Variants in JAZF1 observed in about 807,000 individuals in gnomAD.
JAZF1 encodes the protein juxtaposed with another zinc finger protein 1.
Under a neutral mutation model 26.4 loss-of-function variants are expected in JAZF1, and 8 were observed. The observed-to-expected ratio is 0.30, with a 90% confidence interval of 0.18 to 0.55. The LOEUF (loss-of-function observed/expected upper bound fraction) is 0.55. Ranked by LOEUF, JAZF1 falls within the 20% of genes least tolerant of loss-of-function variation. JAZF1 has a pLI of 0.94. For synonymous variants in JAZF1, 126 were observed against 122.3 expected (o/e 1.03, Z -0.20); for missense variants, 199 against 322.0 (o/e 0.62, Z 2.92).
chr7:28,154,047 A>G (rs538782718), intron 1 of JAZF1, among the ~76,000 whole-genome samples: 2 of 152,296 alleles, frequency 1.3e-5, no homozygotes, highest in South Asian at 4.2e-4. Flanking sequence ...GGGTACTTTC[A>G]TAATGGGATG....
intron 1 of JAZF1, among the ~76,000 whole-genome samples, chr7:28,090,905 C>A (rs1020341845): frequency 6.8e-6 from 1 of 148,082 alleles, no homozygotes; most frequent in Non-Finnish European, 1.5e-5. Flanking sequence ...CGGCTCACTG[C>A]AAGCTCCGCT....
At chr7:27,910,226 A>C (rs1408310002) in intron 2 of JAZF1, among the ~76,000 whole-genome samples, 3 of 152,324 alleles carry the variant, frequency 2.0e-5, no homozygotes, top group South Asian at 2.1e-4. Flanking sequence ...GAATGACATA[A>C]AACCACTATT....
chr7:28,179,378 G>C (rs1783597931), intron 1 of JAZF1, among the ~76,000 whole-genome samples: 1 of 152,240 alleles, frequency 6.6e-6, no homozygotes, highest in Non-Finnish European at 1.5e-5. Context: ...GAAAGGTCCA[G>C]GGGTCCAGGC....
At chr7:28,043,577 T>A (rs1330582044) in intron 1 of JAZF1, among the ~76,000 whole-genome samples, 1 of 152,176 alleles carries the variant, frequency 6.6e-6, no homozygotes, top group Non-Finnish European at 1.5e-5. Context: ...TGTAGAAAAC[T>A]GGCAGATCCT....
intron 2 of JAZF1, among the ~76,000 whole-genome samples, chr7:27,901,223 T>C (rs1413787811): frequency 6.6e-6 from 1 of 152,212 alleles, no homozygotes; most frequent in African/African-American, 2.4e-5. Context: ...AAATCAGAAA[T>C]GTCTAAGTTA....
chr7:28,002,965 C>T (rs1782629262), intron 1 of JAZF1, among the ~76,000 whole-genome samples: 1 of 152,108 alleles, frequency 6.6e-6, no homozygotes, highest in Admixed American at 6.5e-5. Context: ...GGTGAAGCAA[C>T]ACAGTAGGAG....
intron 1 of JAZF1, among the ~76,000 whole-genome samples, chr7:28,121,449 G>C (rs1249537820): frequency 6.6e-6 from 1 of 152,220 alleles, no homozygotes; most frequent in Non-Finnish European, 1.5e-5. Context: ...AAAGCTGTGA[G>C]ATGTAGCATG....
At chr7:27,914,979 C>T (rs17156018) in intron 2 of JAZF1, among the ~76,000 whole-genome samples, 3,278 of 152,222 alleles carry the variant, frequency 0.022, 126 homozygotes, top group African/African-American at 0.074. Context: ...AGCCCTTAGG[C>T]GAGGATTAGA....
intron 1 of JAZF1, among the ~76,000 whole-genome samples, chr7:28,126,564 C>G (rs1782695278): frequency 6.6e-6 from 1 of 152,102 alleles, no homozygotes; most frequent in Non-Finnish European, 1.5e-5. Context: ...GACCTTGGAA[C>G]AGCACAGAGA....
intron 2 of JAZF1, among the ~76,000 whole-genome samples, chr7:27,987,551 C>T (rs931986220): frequency 1.3e-5 from 2 of 151,944 alleles, no homozygotes; most frequent in Admixed American, 1.3e-4. Context: ...GCCAGCCGCC[C>T]TGTCCGGGAG....
intron 1 of JAZF1, among the ~76,000 whole-genome samples, chr7:28,010,826 T>C (rs1423498954): frequency 6.6e-6 from 1 of 152,264 alleles, no homozygotes; most frequent in Non-Finnish European, 1.5e-5. Flanking sequence ...GGATTCTCAA[T>C]TATTAAACGA....
chr7:28,123,075 T>C (rs1427523581), intron 1 of JAZF1, among the ~76,000 whole-genome samples: 1 of 152,142 alleles, frequency 6.6e-6, no homozygotes, highest in Non-Finnish European at 1.5e-5. Context: ...CAGGAGACTT[T>C]CCAGCTACGT....
At chr7:28,147,203 A>G (rs975470956) in intron 1 of JAZF1, among the ~76,000 whole-genome samples, 1 of 151,976 alleles carries the variant, frequency 6.6e-6, no homozygotes, top group Non-Finnish European at 1.5e-5. Flanking sequence ...CTGGTTGAGC[A>G]TCCCTAATCT....
intron 3 of JAZF1, among the ~76,000 whole-genome samples, chr7:27,865,265 G>T (rs1028882079): frequency 6.6e-6 from 1 of 152,198 alleles, no homozygotes. Context: ...AGCTACTCAG[G>T]AGGCTGAGGT....
At position 28,041,379 on chromosome 7, in the gene JAZF1, G is replaced by A. The variant is rs142202654; in HGVS notation, c.116-49398C>T. 3.3e-5 allele frequency among the ~76,000 whole-genome samples: 5 copies of A among 152,118 alleles called. No individual in the cohort carries two copies. In the South Asian group the frequency reaches 6.2e-4, roughly 19 times the overall value. ...GAGCTTGACTTTAGATGGATAAATA[G>A]TTTATAATTTGGTATAAGCTATTTT... is the stretch of plus-strand genomic sequence containing the variant. On this transcript the variant is annotated intron_variant, in intron 1 of 4. Transcript: ENST00000283928.
chr7:28,087,640 T>C (rs978486680), intron 1 of JAZF1, among the ~76,000 whole-genome samples: 2 of 152,196 alleles, frequency 1.3e-5, no homozygotes, highest in Non-Finnish European at 2.9e-5. Flanking sequence ...CAGTTAATCA[T>C]CTCTTGCTTC....
chr7:27,913,129 C>A (rs568572056), intron 2 of JAZF1, among the ~76,000 whole-genome samples: 2 of 151,896 alleles, frequency 1.3e-5, no homozygotes, highest in South Asian at 4.2e-4. Flanking sequence ...CTCCTGAGGG[C>A]CTCCAGAATC....
At chr7:27,919,258 G>A (rs542478246) in intron 2 of JAZF1, among the ~76,000 whole-genome samples, 37 of 152,290 alleles carry the variant, frequency 2.4e-4, no homozygotes, top group Admixed American at 5.9e-4. Flanking sequence ...TCATTAGCAT[G>A]AAATGTAAAA....
chr7:27,834,476 C>T (rs1782767884), intron 4 of JAZF1, among the ~76,000 whole-genome samples: 1 of 152,232 alleles, frequency 6.6e-6, no homozygotes. Flanking sequence ...CAAACACTCT[C>T]CCCTGAACAC....
Sources: gnomAD v4.1 joint callset for allele counts (sites outside exome capture counted in the v4.1 genomes callset) on GRCh38, gnomAD v4.1.1 for gene constraint, MANE v1.5 for transcripts, NCBI Gene and HGNC (gene_info 2026-07-23, HGNC 2026-07-21) for gene names.